Variants in AMMECR1L observed in about 807,000 individuals in gnomAD.
The protein encoded by AMMECR1L is AMMECR1-like protein.
Under a neutral mutation model 36.8 loss-of-function variants are expected in AMMECR1L, and 4 were observed. That is an observed-to-expected ratio of 0.11 (90% confidence interval 0.05 to 0.25). The LOEUF (loss-of-function observed/expected upper bound fraction) is 0.25, where lower values mean the gene tolerates loss of function less well. AMMECR1L is among the 10% of genes least tolerant of loss of function. The pLI, the probability that AMMECR1L is intolerant of heterozygous loss-of-function variation, is 1.00. For missense variants in AMMECR1L, 232 were observed against 392.1 expected (o/e 0.59, Z 3.45); for synonymous variants, 147 against 148.0 (o/e 0.99, Z 0.05).
chr2:127,882,936 T>C, intron 2 of AMMECR1L, among the ~76,000 whole-genome samples: 1 of 141,228 alleles, frequency 7.1e-6, no homozygotes, highest in African/African-American at 2.7e-5. Flanking sequence ...AGAGATGAAG[T>C]CTTGCTATGC....
At chr2:127,868,973 T>C (rs575342074) in intron 6 of AMMECR1L, among the ~76,000 whole-genome samples, 2 of 152,280 alleles carry the variant, frequency 1.3e-5, no homozygotes, top group African/African-American at 4.8e-5. Context: ...TCCGCCCACC[T>C]TGGCCTCCCA....
Position 127,865,174 on chromosome 2 carries a change from C to G in AMMECR1L, c.853G>C (p.Ala285Pro). 1 of 1,613,218 alleles carries G rather than the reference C, an allele frequency of 6.2e-7. No individual in the cohort carries two copies. Residue 285 changes from alanine (A) to proline (P), a missense_variant, in exon 8 of 8, where the codon GCA becomes CCA. Coordinates refer to ENST00000272647, the MANE Select transcript of AMMECR1L (RefSeq NM_001199140.2). This position sits in a 1 kb window ranked among gnomAD's most constrained non-coding sequence, Gnocchi z 5.4. ...TGCTGTCGGGAAGCAATATACTCTG[C>G]GTAACTGATTGTCACCTTCTCACTT... The part of the protein sequence containing the change: ...YRSEKVTISY[A>P]EYIASRQHCF...
Position 127,871,596 on chromosome 2 carries a change from G to A in AMMECR1L, c.408-237C>T, listed in dbSNP as rs889131941. 2.0e-5 allele frequency among the ~76,000 whole-genome samples: 3 copies of A among 152,186 alleles called. No homozygotes were observed. The highest frequency in any genetic ancestry group is 2.0e-4 in the Admixed American group (3 of 15,288). ...CCGTGTAGTGGTTCCCATGTTCCAT[G>A]CTGACAGCTTTAATTCACTTTGCCG... On this transcript the variant is annotated intron_variant, in intron 3 of 7. Transcript: ENST00000272647. This position sits in a 1 kb window ranked among gnomAD's most constrained non-coding sequence, Gnocchi z 4.3.
rs374571952 is a variant in AMMECR1L at position 127,862,321 on chromosome 2, G to C, written c.*2773C>G. The C allele has an allele frequency of 6.5e-6, 1 of 153,936 alleles. No individual in the cohort carries two copies. The highest frequency in any genetic ancestry group is 2.1e-4 in the South Asian group (1 of 4,834). 9.5% of individuals were successfully genotyped at this position (153,936 alleles called of 1,614,324 possible). A position where few individuals can be genotyped will look rare whatever the true frequency, so the allele number is the denominator to read the frequency against. On this transcript the variant is annotated 3_prime_UTR_variant, in exon 8 of 8. Coordinates refer to ENST00000272647, the MANE Select transcript of AMMECR1L (RefSeq NM_001199140.2). ...AGCCCAAGGACAAAGGAAACACTCA[G>C]CAGAAAACATTCCCTTTTCTTTAAA...
In AMMECR1L at chr2:127,873,488, G is replaced by C; in HGVS notation, c.407+340C>G. On this transcript the variant is annotated intron_variant, in intron 3 of 7. Coordinates refer to ENST00000272647, the MANE Select transcript of AMMECR1L (RefSeq NM_001199140.2). This position sits in a 1 kb window ranked among gnomAD's most constrained non-coding sequence, Gnocchi z 5.2. ...ACTCACCTGGACTTCAACACTATGG[G>C]TGTCCCCAATGGTATGGCGTGACTT... The C allele has an allele frequency of 1.0e-6, 1 of 985,424 alleles. No homozygotes were observed. The highest frequency in any genetic ancestry group is 1.2e-6 in the Non-Finnish European group (1 of 829,942). 61.0% of individuals were successfully genotyped at this position (985,424 alleles called of 1,614,324 possible).
chr2:127,865,475 C>T lies in AMMECR1L; in HGVS notation c.822-270G>A, dbSNP rs1378210058. ...AACACTACACGTGCTTATCATCAGGCTGCTCGTAAGCAATCCGCTACTGGG... is the reference window on the plus strand; with the variant it reads ...AACACTACACGTGCTTATCATCAGGTTGCTCGTAAGCAATCCGCTACTGGG... On this transcript the variant is annotated intron_variant, in intron 7 of 7. Transcript: ENST00000272647. This position sits in a 1 kb window ranked among gnomAD's most constrained non-coding sequence, Gnocchi z 5.4. Among the ~76,000 whole-genome samples, 1 of 152,052 alleles carries T rather than the reference C, an allele frequency of 6.6e-6. No homozygotes were observed. Among genetic ancestry groups the T allele is most frequent in the Non-Finnish European group, 1.5e-5 (1 of 68,032 alleles).
chr2:127,869,684 A>G lies in AMMECR1L; in HGVS notation c.634-140T>C, dbSNP rs1185056033. 1.4e-6 allele frequency: 1 copy of G among 716,752 alleles called. No homozygotes were observed. Among genetic ancestry groups the G allele is most frequent in the Non-Finnish European group, 2.4e-6 (1 of 420,158 alleles). 44.4% of individuals were successfully genotyped at this position (716,752 alleles called of 1,614,324 possible). A position where few individuals can be genotyped will look rare whatever the true frequency, so the allele number is the denominator to read the frequency against. ...GAGACCTTCTCGCATTTCATGACTA[A>G]TTCTATCTCAGGAGGTATAGAGGCC... is the stretch of plus-strand genomic sequence containing the variant. On this transcript the variant is annotated intron_variant, in intron 5 of 7. Coordinates refer to ENST00000272647, the MANE Select transcript of AMMECR1L (RefSeq NM_001199140.2). The surrounding 1 kb of genome is among the most constrained non-coding windows in gnomAD (Gnocchi z 4.7).
chr2:127,868,156 C>A (rs1413449407), intron 6 of AMMECR1L, among the ~76,000 whole-genome samples: 1 of 152,188 alleles, frequency 6.6e-6, no homozygotes, highest in Non-Finnish European at 1.5e-5. Flanking sequence ...TGTGAGCAAA[C>A]GTGCCCAGCC....
intron 2 of AMMECR1L, among the ~76,000 whole-genome samples, chr2:127,880,078 G>A (rs533028963): frequency 1.6e-4 from 25 of 152,322 alleles, no homozygotes; most frequent in East Asian, 1.2e-3. Flanking sequence ...AGAGGCAGGC[G>A]GATAGCTTGA....
In AMMECR1L at chr2:127,873,534, G is replaced by A. The variant is rs953499241; in HGVS notation, c.407+294C>T. The A allele has an allele frequency of 1.0e-6, 1 of 985,424 alleles. No individual in the cohort carries two copies. The highest frequency in any genetic ancestry group is 4.7e-5 in the South Asian group (1 of 21,282). 61.0% of individuals were successfully genotyped at this position (985,424 alleles called of 1,614,324 possible). A position where few individuals can be genotyped will look rare whatever the true frequency, so the allele number is the denominator to read the frequency against. On this transcript the variant is annotated intron_variant, in intron 3 of 7. Transcript: ENST00000272647. The surrounding 1 kb of genome is among the most constrained non-coding windows in gnomAD (Gnocchi z 5.2). ...GACTTCCCCACTTGAGAGGTTAAAT[G>A]CCATACCCACTGCCATGTGAACCAA...
chr2:127,877,630 C>A (rs1182458406), intron 2 of AMMECR1L, among the ~76,000 whole-genome samples: 1 of 151,626 alleles, frequency 6.6e-6, no homozygotes. Context: ...GCCACCGCAC[C>A]TGGGCCAGAA....
chr2:127,865,120 G>T lies in AMMECR1L; in HGVS notation c.907C>A (p.Pro303Thr), dbSNP rs752396665. ...CAGGAGTAATGATTGTAGAGGGGCG[G>T]GGCATGAAGAGTGCCGTTCTGGAAA... ...HCFQNGTLHA[P>T]PLYNHYS Residue 303 changes from proline to threonine, a missense_variant, in exon 8 of 8, where the codon CCG (proline) becomes ACG (threonine). Around this residue, in one of 3 missense-constraint regions of AMMECR1L, gnomAD observed 40 missense variants for 34.5 expected, o/e 1.16. Transcript: ENST00000272647. This position sits in a 1 kb window ranked among gnomAD's most constrained non-coding sequence, Gnocchi z 5.4. 3.8e-5 allele frequency: 61 copies of T among 1,613,548 alleles called. No individual in the cohort carries two copies. The highest frequency in any genetic ancestry group is 4.9e-5 in the Non-Finnish European group (58 of 1,179,824).
intron 1 of AMMECR1L, chr2:127,885,308 G>A (rs1691712719): frequency 1.0e-6 from 1 of 984,814 alleles, no homozygotes; most frequent in Non-Finnish European, 1.2e-6. Flanking sequence ...GAGGGTATGA[G>A]GAAAGAGGGT....
chr2:127,875,885 C>T (rs1691216569), intron 2 of AMMECR1L, among the ~76,000 whole-genome samples: 1 of 152,176 alleles, frequency 6.6e-6, no homozygotes, highest in Non-Finnish European at 1.5e-5. Flanking sequence ...CCTCCAACTC[C>T]TGGACTCAAG....
chr2:127,867,855 A>G (rs1289511004), intron 6 of AMMECR1L, among the ~76,000 whole-genome samples: 1 of 152,200 alleles, frequency 6.6e-6, no homozygotes, highest in Non-Finnish European at 1.5e-5. Context: ...TTGCTCATGC[A>G]TATACTATTG....
At chr2:127,875,371 G>A (rs760321888) in intron 2 of AMMECR1L, among the ~76,000 whole-genome samples, 31 of 152,108 alleles carry the variant, frequency 2.0e-4, no homozygotes, top group Non-Finnish European at 5.9e-5. Flanking sequence ...TGGCTGGAAA[G>A]AGAGAGAAAG....
At position 127,870,948 on chromosome 2, in the gene AMMECR1L, A is replaced by G. The variant is rs1690935474; in HGVS notation, c.519-20T>C. ...AGTGCACTGGAGGGGGACAGAAAAC[A>G]TAGGTAAGGCTGCTCTGGAGTCAGG... On this transcript the variant is annotated intron_variant, in intron 4 of 7. Transcript: ENST00000272647. 1 of 1,589,722 alleles carries G rather than the reference A, an allele frequency of 6.3e-7. No individual in the cohort carries two copies. Among genetic ancestry groups the G allele is most frequent in the African/African-American group, 1.3e-5 (1 of 74,288 alleles).
rs749891481 is a variant in AMMECR1L, at chr2:127,874,108, C to A, written c.127G>T (p.Gly43Cys). Residue 43 changes from glycine to cysteine, a missense_variant, in exon 3 of 8, where the codon GGC becomes TGC. By Grantham distance (159) the Gly-to-Cys change is radical. Coordinates refer to ENST00000272647, the MANE Select transcript of AMMECR1L (RefSeq NM_001199140.2). This position sits in a 1 kb window ranked among gnomAD's most constrained non-coding sequence, Gnocchi z 5.2. ...SHGNQSTTVP[G>C]SSSGPLQNHQ... The stretch of plus-strand genomic sequence containing the variant: ...TTTTGAAGAGGTCCTGAACTAGAGC[C>A]GGGGACAGTTGTGGACTGATTCCCG... 1.9e-6 allele frequency: 3 copies of A among 1,614,158 alleles called. No homozygotes were observed. The highest frequency in any genetic ancestry group is 2.5e-6 in the Non-Finnish European group (3 of 1,180,038).
chr2:127,870,795 C>T lies in AMMECR1L; in HGVS notation c.633+19G>A, dbSNP rs759022976. ...AAATGCAACGAGAGATGCAGAGTTC[C>T]AAATGCGGCTGTTCTCACCTCCCAG... On this transcript the variant is annotated intron_variant, in intron 5 of 7. Coordinates refer to ENST00000272647, the MANE Select transcript of AMMECR1L (RefSeq NM_001199140.2). 24 of 1,589,404 alleles carry T rather than the reference C, an allele frequency of 1.5e-5. No individual in the cohort carries two copies. Among genetic ancestry groups the T allele is most frequent in the Non-Finnish European group, 2.0e-5 (23 of 1,163,042 alleles).
Sources: allele counts gnomAD v4.1 joint callset (sites outside exome capture counted in the v4.1 genomes callset), GRCh38; gene constraint gnomAD v4.1.1; regional missense constraint gnomAD v4.1.1; non-coding constraint Gnocchi (gnomAD v3.1); transcripts MANE v1.5; gene names NCBI Gene and HGNC (gene_info 2026-07-23, HGNC 2026-07-21).